The following NCEH1 variants were observed in gnomAD, a reference collection of about 807,000 sequenced individuals.
NCEH1 encodes 2-acetyl MAGE hydrolase.
In NCEH1, 9 loss-of-function variants were observed where a neutral mutation model predicts 25.4. That is an observed-to-expected ratio of 0.35 (90% confidence interval 0.21 to 0.62). The LOEUF (loss-of-function observed/expected upper bound fraction) is 0.62. NCEH1 is among the 20% of genes least tolerant of loss of function. The pLI is 0.72. For synonymous variants in NCEH1, 200 were observed against 199.8 expected, an observed-to-expected ratio of 1.00 and a Z score of -0.01; for missense variants, 412 against 501.1, an observed-to-expected ratio of 0.82 and a Z score of 1.70.
chr3:172,667,506 C>T (rs3980271), intron 1 of NCEH1, among the ~76,000 whole-genome samples: 73,293 of 152,004 alleles, frequency 0.48, 20,053 homozygotes, highest in African/African-American at 0.77. Flanking sequence ...CAGTAAAGCA[C>T]GGTTAGTCCC....
chr3:172,665,467 G>A (rs368753833), intron 1 of NCEH1, among the ~76,000 whole-genome samples: 5 of 152,174 alleles, frequency 3.3e-5, no homozygotes, highest in Admixed American at 6.5e-5. Flanking sequence ...CAGTCTGTCC[G>A]TTCTCAGATC....
Position 172,632,471 on chromosome 3 carries a change from C to T in NCEH1, c.*1004G>A, listed in dbSNP as rs1343922313. On this transcript the variant is annotated 3_prime_UTR_variant, in exon 5 of 5. Transcript: ENST00000475381. ...TACATTATATTGTAGCAAAATAGCT[C>T]CATTTTAAAGCCATATAAGTGAAAA... is the stretch of plus-strand genomic sequence containing the variant. 1.3e-5 allele frequency: 2 copies of T among 152,292 alleles called. No individual in the cohort carries two copies. The highest frequency in any genetic ancestry group is 2.9e-5 in the Non-Finnish European group (2 of 67,982). 9.4% of individuals were successfully genotyped at this position (152,292 alleles called of 1,614,324 possible). A position where few individuals can be genotyped will look rare whatever the true frequency, so the allele number is the denominator to read the frequency against.
intron 1 of NCEH1, among the ~76,000 whole-genome samples, chr3:172,693,047 T>TCCTCCAACCTGGCTC (rs1323484107): frequency 6.6e-6 from 1 of 152,186 alleles, no homozygotes; most frequent in Non-Finnish European, 1.5e-5. Flanking sequence ...TACAGGGGCT[T>TCCTCCAACCTGGCTC]CCTCCAACCT....
intron 1 of NCEH1, among the ~76,000 whole-genome samples, chr3:172,693,459 G>GAA (rs11462052): frequency 1.5e-3 from 201 of 130,858 alleles, no homozygotes; most frequent in African/African-American, 3.9e-3. Flanking sequence ...GCCTGAATAT[G>GAA]AAAAAAAAAA....
chr3:172,650,662 A>AT (rs1372145150), intron 1 of NCEH1, among the ~76,000 whole-genome samples: 3 of 150,866 alleles, frequency 2.0e-5, no homozygotes, highest in Non-Finnish European at 4.4e-5. Flanking sequence ...AAAAAAAAAA[A>AT]ATAGCCAGGC....
chr3:172,658,290 A>G (rs781184192), intron 1 of NCEH1, among the ~76,000 whole-genome samples: 2 of 152,226 alleles, frequency 1.3e-5, no homozygotes, highest in Non-Finnish European at 2.9e-5. Context: ...TGTTTAGCGC[A>G]TAAGAAATAA....
chr3:172,706,477 C>A (rs1476862941), intron 1 of NCEH1, among the ~76,000 whole-genome samples: 1 of 148,076 alleles, frequency 6.8e-6, no homozygotes, highest in Non-Finnish European at 1.5e-5. Context: ...ATTATTTAAT[C>A]TTTTACTGTT....
chr3:172,650,032 C>T (rs1248658087), intron 1 of NCEH1, among the ~76,000 whole-genome samples: 3 of 152,164 alleles, frequency 2.0e-5, no homozygotes, highest in Non-Finnish European at 2.9e-5. Context: ...CTCGAGTTTC[C>T]TTTATGTAAT....
chr3:172,696,296 G>T (rs1199198816), intron 1 of NCEH1, among the ~76,000 whole-genome samples: 1 of 152,098 alleles, frequency 6.6e-6, no homozygotes, highest in Non-Finnish European at 1.5e-5. Flanking sequence ...ATGTTAAGAA[G>T]ATCTACACCT....
chr3:172,651,795 G>A (rs1004682010), intron 1 of NCEH1, among the ~76,000 whole-genome samples: 5 of 152,136 alleles, frequency 3.3e-5, no homozygotes, highest in African/African-American at 4.8e-5. Context: ...CTGGCCTCAA[G>A]TGATCCACCC....
At chr3:172,698,597 T>G (rs1204664975) in intron 1 of NCEH1, among the ~76,000 whole-genome samples, 2 of 152,162 alleles carry the variant, frequency 1.3e-5, no homozygotes, top group African/African-American at 4.8e-5. Flanking sequence ...AACTATCCTA[T>G]TCAAGGGGAA....
chr3:172,709,116 G>C (rs569182242), intron 1 of NCEH1, among the ~76,000 whole-genome samples: 2 of 152,324 alleles, frequency 1.3e-5, no homozygotes, highest in South Asian at 4.1e-4. Context: ...CACCACCTGA[G>C]GGTATACTCT....
chr3:172,705,512 G>A (rs1713922307), intron 1 of NCEH1, among the ~76,000 whole-genome samples: 1 of 152,220 alleles, frequency 6.6e-6, no homozygotes, highest in African/African-American at 2.4e-5. Flanking sequence ...AAGACGTCAA[G>A]TGACAATGCT....
Position 172,634,439 on chromosome 3 carries a change from A to C in NCEH1, c.610-347T>G, listed in dbSNP as rs530706959. Reference sequence around the variant, plus strand: ...ATTTTTTATTCCCTACAAAACCCCCAAAAAGGTCATGGCTTCCTAGGGGGA... The same window carrying C: ...ATTTTTTATTCCCTACAAAACCCCCCAAAAGGTCATGGCTTCCTAGGGGGA... On this transcript the variant is annotated intron_variant, in intron 4 of 4. Transcript: ENST00000475381. Among the ~76,000 whole-genome samples the C allele has an allele frequency of 2.8e-3, 429 of 152,244 alleles. 3 individuals are homozygous for C. The highest frequency in any genetic ancestry group is 8.3e-3 in the African/African-American group (343 of 41,530).
chr3:172,648,042 T>TG lies in NCEH1; in HGVS notation c.210dup (p.Lys71GlnfsTer18). On this transcript the variant is annotated frameshift_variant, in exon 2 of 5. Coordinates refer to ENST00000475381, the MANE Select transcript of NCEH1 (RefSeq NM_020792.6). LOFTEE classifies it high-confidence loss of function. ...TGGGCAGAAGACCACGCGCTTTTTT[T>TG]GCCAAAAGAAACAATGATAAAATTC... 8 of 1,613,958 alleles carry TG rather than the reference T, an allele frequency of 5.0e-6. No homozygotes were observed. Among genetic ancestry groups the TG allele is most frequent in the South Asian group, 2.2e-5 (2 of 91,072 alleles).
intron 1 of NCEH1, among the ~76,000 whole-genome samples, chr3:172,658,433 C>T (rs1413410855): frequency 6.6e-6 from 1 of 152,152 alleles, no homozygotes; most frequent in Non-Finnish European, 1.5e-5. Flanking sequence ...AACCTTTTGT[C>T]CCACATGAGG....
chr3:172,709,711 A>G (rs1714196464), intron 1 of NCEH1, among the ~76,000 whole-genome samples: 1 of 152,262 alleles, frequency 6.6e-6, no homozygotes, highest in Non-Finnish European at 1.5e-5. Context: ...ATGAGTGGAC[A>G]GGGAACAGGA....
intron 1 of NCEH1, among the ~76,000 whole-genome samples, chr3:172,667,057 T>C (rs1560193207): frequency 6.6e-6 from 1 of 152,200 alleles, no homozygotes; most frequent in African/African-American, 2.4e-5. Context: ...TTGCTGGTCC[T>C]TTGCTGTACA....
intron 3 of NCEH1, among the ~76,000 whole-genome samples, chr3:172,636,705 G>A (rs992724488): frequency 2.0e-5 from 3 of 152,156 alleles, no homozygotes; most frequent in Admixed American, 6.5e-5. Flanking sequence ...GCAGGCCCTC[G>A]GGGATACTTC....
Sources: allele counts gnomAD v4.1 joint callset (sites outside exome capture counted in the v4.1 genomes callset), GRCh38; gene constraint gnomAD v4.1.1; transcripts MANE v1.5; gene names NCBI Gene and HGNC (gene_info 2026-07-23, HGNC 2026-07-21).